The following IL1RAPL1 variants were observed in gnomAD, a reference collection of about 807,000 sequenced individuals.
The protein encoded by IL1RAPL1 is interleukin 1 receptor accessory protein like 1, also known as interleukin-1 receptor accessory protein-like 1.
A neutral mutation model predicts 48.4 loss-of-function variants in IL1RAPL1; 3 were observed. The observed-to-expected ratio is 0.06, with a 90% CI of 0.03 to 0.16. The LOEUF is 0.16. Among genes scored for constraint, IL1RAPL1 ranks in the 10% least tolerant of loss-of-function variants. IL1RAPL1 has a pLI of 1.00. For missense variants in IL1RAPL1, 349 were observed against 530.6 expected, an observed-to-expected ratio of 0.66 and a Z score of 3.36; for synonymous variants, 185 against 187.7, an observed-to-expected ratio of 0.99 and a Z score of 0.12.
At chrX:28,840,611 A>AT (rs1220018126) in intron 2 of IL1RAPL1, among the ~76,000 whole-genome samples, 8 of 111,154 alleles carry the variant, frequency 7.2e-5, no homozygotes, top group Admixed American at 4.8e-4. Context: ...ACATTTAAAT[A>AT]TTTTTTGTGG....
intron 2 of IL1RAPL1, among the ~76,000 whole-genome samples, chrX:29,019,098 A>ATC (rs1926304951): frequency 9.0e-6 from 1 of 111,150 alleles, no homozygotes; most frequent in Non-Finnish European, 1.9e-5. Context: ...AAACCATCAG[A>ATC]TCTCGTGACA....
chrX:28,885,981 A>G (rs1254697723), intron 2 of IL1RAPL1, among the ~76,000 whole-genome samples: 3 of 111,313 alleles, frequency 2.7e-5, no homozygotes, highest in African/African-American at 9.8e-5. Flanking sequence ...AACTAACAAC[A>G]TAGGCTCCAT....
intron 1 of IL1RAPL1, among the ~76,000 whole-genome samples, chrX:28,770,185 G>T: frequency 8.9e-6 from 1 of 112,342 alleles, no homozygotes; most frequent in Non-Finnish European, 1.9e-5. Flanking sequence ...CAACTTGAAA[G>T]AAGTATGGTA....
chrX:29,389,905 G>A (rs1933833245), intron 3 of IL1RAPL1, among the ~76,000 whole-genome samples: 1 of 111,554 alleles, frequency 9.0e-6, no homozygotes, highest in Non-Finnish European at 1.9e-5. Flanking sequence ...GCCCTCCAGA[G>A]CTCTTCTGAA....
chrX:29,421,856 C>T (rs1396742522), intron 5 of IL1RAPL1, among the ~76,000 whole-genome samples: 1 of 112,008 alleles, frequency 8.9e-6, no homozygotes, highest in East Asian at 2.8e-4. Context: ...TGGTACAGGA[C>T]TTAGGCAAAT....
chrX:28,928,125 C>G (rs180683795), intron 2 of IL1RAPL1, among the ~76,000 whole-genome samples: 1 of 110,911 alleles, frequency 9.0e-6, no homozygotes, highest in East Asian at 2.9e-4. Flanking sequence ...TGAGCCCTCA[C>G]TGATTAACTG....
At chrX:28,731,722 C>G (rs912364817) in intron 1 of IL1RAPL1, among the ~76,000 whole-genome samples, 6 of 111,774 alleles carry the variant, frequency 5.4e-5, no homozygotes. Flanking sequence ...TGTCCTTTTT[C>G]TGACTATTCC....
intron 2 of IL1RAPL1, among the ~76,000 whole-genome samples, chrX:29,080,365 CA>C (rs1467250438): frequency 2.7e-5 from 3 of 109,124 alleles, no homozygotes; most frequent in Admixed American, 2.0e-4. Context: ...AGTGACAGAA[CA>C]AGACCCCGTC....
intron 2 of IL1RAPL1, among the ~76,000 whole-genome samples, chrX:29,003,665 TTAAG>T (rs1398250812): frequency 8.9e-6 from 1 of 112,137 alleles, no homozygotes; most frequent in African/African-American, 3.2e-5. Context: ...GTTCCACAGC[TTAAG>T]TAAGTGTTAT....
At position 28,762,527 on chromosome X, in the gene IL1RAPL1, A is replaced by G. The variant is rs1177806437; in HGVS notation, c.-24-26793A>G. 2.7e-5 allele frequency among the ~76,000 whole-genome samples: 3 copies of G among 111,301 alleles called. No homozygotes were observed. The Admixed American group carries it at 2.9e-4, about 11-fold the overall frequency. On this transcript the variant is annotated intron_variant, in intron 1 of 10. Transcript: ENST00000378993. ...TTAATAATCACTGTTTAAACTTGGT[A>G]GAGTCTCTTTCAGACATATCCACAT...
chrX:29,507,374 TCCC>T (rs1935344768), intron 5 of IL1RAPL1, among the ~76,000 whole-genome samples: 1 of 165 alleles, frequency 6.1e-3, no homozygotes, highest in Non-Finnish European at 0.011. Flanking sequence ...TCCCCTCCCT[TCCC>T]TCCCCTTCCC....
intron 3 of IL1RAPL1, among the ~76,000 whole-genome samples, chrX:29,325,567 A>G (rs1932837341): frequency 8.9e-6 from 1 of 112,281 alleles, no homozygotes; most frequent in Non-Finnish European, 1.9e-5. Flanking sequence ...ATTTTACAAG[A>G]AACCATTCCA....
At chrX:29,774,699 C>G (rs1929151237) in intron 6 of IL1RAPL1, among the ~76,000 whole-genome samples, 1 of 111,721 alleles carries the variant, frequency 9.0e-6, no homozygotes, top group African/African-American at 3.2e-5. Flanking sequence ...TAAACCTTCT[C>G]TACCAAGTAC....
intron 2 of IL1RAPL1, among the ~76,000 whole-genome samples, chrX:29,007,669 G>C (rs975266830): frequency 4.5e-5 from 5 of 111,941 alleles, no homozygotes; most frequent in African/African-American, 1.6e-4. Context: ...GCTATCATGA[G>C]ATTTTAAAAT....
rs774288077 is a variant in IL1RAPL1 at position 29,030,636 on chromosome X, TCTC to T, written c.82+241214_82+241216del. On this transcript the variant is annotated intron_variant, in intron 2 of 10. Transcript: ENST00000378993. Reference sequence around the variant, plus strand: ...GACATTTCGAATTTTGAATTTCAAATCTCCTATCAGGGAAATTGAATAAATATG... The same window carrying T: ...GACATTTCGAATTTTGAATTTCAAATCTATCAGGGAAATTGAATAAATATG... 3.6e-5 allele frequency among the ~76,000 whole-genome samples: 4 copies of T among 111,692 alleles called. No individual in the cohort carries two copies. The South Asian group carries it at 1.1e-3, about 31-fold the overall frequency.
At chrX:29,182,775 A>G (rs974709730) in intron 2 of IL1RAPL1, among the ~76,000 whole-genome samples, 3 of 111,857 alleles carry the variant, frequency 2.7e-5, no homozygotes. Flanking sequence ...GTTAGCATAC[A>G]TGGCAAAAGG....
intron 2 of IL1RAPL1, among the ~76,000 whole-genome samples, chrX:28,839,145 C>T (rs1921300034): frequency 9.0e-6 from 1 of 111,450 alleles, no homozygotes; most frequent in Non-Finnish European, 1.9e-5. Flanking sequence ...TTTATATGTG[C>T]TTAAAGTTTA....
chrX:29,320,082 T>G (rs778090036), intron 3 of IL1RAPL1, among the ~76,000 whole-genome samples: 3 of 112,028 alleles, frequency 2.7e-5, no homozygotes, highest in Non-Finnish European at 5.6e-5. Context: ...TCATAATTTT[T>G]GGTGTTGAGT....
chrX:29,346,479 G>A (rs1933151216), intron 3 of IL1RAPL1, among the ~76,000 whole-genome samples: 1 of 111,922 alleles, frequency 8.9e-6, no homozygotes, highest in South Asian at 3.7e-4. Flanking sequence ...TTTAAAAGGG[G>A]ATGTGGCTAA....
Sources: allele counts gnomAD v4.1 joint callset (sites outside exome capture counted in the v4.1 genomes callset), GRCh38; gene constraint gnomAD v4.1.1; transcripts MANE v1.5; gene names NCBI Gene and HGNC (gene_info 2026-07-23, HGNC 2026-07-21).